Variants in NTM observed in about 807,000 individuals in gnomAD.
NTM encodes the protein IgLON family member 2.
Under a neutral mutation model 42.1 loss-of-function variants are expected in NTM, and 13 were observed. The ratio of observed to expected loss-of-function variants is 0.31; its 90% CI spans 0.20 to 0.49. The LOEUF (loss-of-function observed/expected upper bound fraction) is 0.49, where lower values mean the gene tolerates loss of function less well. Ranked by LOEUF, NTM falls within the 20% of genes least tolerant of loss-of-function variation. The pLI is 0.99. For synonymous variants in NTM, 187 were observed against 179.2 expected (o/e 1.04, Z -0.35); for missense variants, 373 against 452.8 (o/e 0.82, Z 1.60).
intron 1 of NTM, among the ~76,000 whole-genome samples, chr11:131,570,894 T>A (rs1214213966): frequency 6.6e-6 from 1 of 152,222 alleles, no homozygotes; most frequent in Non-Finnish European, 1.5e-5. Flanking sequence ...TGCTAGGCAC[T>A]GCAGACTCAG....
chr11:131,501,704 G>T (rs1163043705), intron 1 of NTM, among the ~76,000 whole-genome samples: 1 of 151,994 alleles, frequency 6.6e-6, no homozygotes. Context: ...TCTTGAGTGT[G>T]CTGTAAAGGT....
At chr11:131,644,482 G>A (rs184863832) in intron 1 of NTM, among the ~76,000 whole-genome samples, 1 of 152,256 alleles carries the variant, frequency 6.6e-6, no homozygotes, top group African/African-American at 2.4e-5. Context: ...CCGTACCAAC[G>A]AAGGGGGACT....
chr11:132,028,904 G>A (rs980032493), intron 2 of NTM, among the ~76,000 whole-genome samples: 1 of 152,048 alleles, frequency 6.6e-6, no homozygotes, highest in Admixed American at 6.5e-5. Context: ...ACCTCCTAGG[G>A]CTCCTATTGA....
intron 2 of NTM, among the ~76,000 whole-genome samples, chr11:132,057,088 G>A (rs2079812810): frequency 6.6e-6 from 1 of 152,154 alleles, no homozygotes; most frequent in Non-Finnish European, 1.5e-5. Context: ...ACACAATTGA[G>A]GCAAAGATGG....
At chr11:131,508,931 T>A (rs574579587) in intron 1 of NTM, among the ~76,000 whole-genome samples, 6 of 150,340 alleles carry the variant, frequency 4.0e-5, no homozygotes, top group African/African-American at 1.5e-4. Flanking sequence ...ATATACCTAA[T>A]GCTAGATGAC....
intron 1 of NTM, among the ~76,000 whole-genome samples, chr11:131,752,051 C>G (rs2082624031): frequency 6.6e-6 from 1 of 152,114 alleles, no homozygotes; most frequent in Non-Finnish European, 1.5e-5. Context: ...CAAACCAAAA[C>G]CACTAAGATA....
chr11:131,701,142 G>A (rs1241493860), intron 1 of NTM, among the ~76,000 whole-genome samples: 2 of 152,058 alleles, frequency 1.3e-5, no homozygotes, highest in Admixed American at 1.3e-4. Context: ...AAGCAACAAG[G>A]GTTTTGCTAA....
chr11:131,405,324 GT>G (rs1326361740), intron 1 of NTM, among the ~76,000 whole-genome samples: 1 of 152,176 alleles, frequency 6.6e-6, no homozygotes, highest in Non-Finnish European at 1.5e-5. Context: ...TGCAATATGT[GT>G]TTCAAATGGA....
At chr11:131,684,962 G>A (rs2073626395) in intron 1 of NTM, among the ~76,000 whole-genome samples, 1 of 152,224 alleles carries the variant, frequency 6.6e-6, no homozygotes. Context: ...CTGTTCTGTG[G>A]ACGCTGGCCC....
intron 1 of NTM, among the ~76,000 whole-genome samples, chr11:131,606,684 C>T (rs1012215895): frequency 6.6e-6 from 1 of 152,182 alleles, no homozygotes; most frequent in Non-Finnish European, 1.5e-5. Context: ...CCCCACCTGA[C>T]ATCAGGATAT....
intron 4 of NTM, among the ~76,000 whole-genome samples, chr11:132,306,679 G>C (rs2095096067): frequency 6.6e-6 from 1 of 152,140 alleles, no homozygotes; most frequent in Admixed American, 6.5e-5. Flanking sequence ...TTAATTACTA[G>C]CACCTCATTT....
intron 1 of NTM, among the ~76,000 whole-genome samples, chr11:131,674,326 ATT>A (rs929306850): frequency 6.6e-6 from 1 of 152,238 alleles, no homozygotes; most frequent in African/African-American, 2.4e-5. Context: ...TAGGGCTGTC[ATT>A]CTTGAAAAGG....
chr11:132,126,841 G>A (rs1398424425), intron 2 of NTM, among the ~76,000 whole-genome samples: 1 of 152,202 alleles, frequency 6.6e-6, no homozygotes, highest in African/African-American at 2.4e-5. Flanking sequence ...TTTGCTGTGA[G>A]AGGTGTTTTC....
intron 1 of NTM, among the ~76,000 whole-genome samples, chr11:131,681,941 C>A (rs2073020973): frequency 6.6e-6 from 1 of 151,772 alleles, no homozygotes; most frequent in Admixed American, 6.6e-5. Context: ...CTCACCCTCA[C>A]CCTGTGGCTA....
At chr11:131,991,559 C>A (rs571001629) in intron 2 of NTM, among the ~76,000 whole-genome samples, 18 of 145,192 alleles carry the variant, frequency 1.2e-4, no homozygotes, top group African/African-American at 4.8e-4. Context: ...GAGAAACAGA[C>A]AAGACAAGTG....
At chr11:131,573,086 A>T (rs1038029090) in intron 1 of NTM, among the ~76,000 whole-genome samples, 3 of 152,132 alleles carry the variant, frequency 2.0e-5, no homozygotes, top group Non-Finnish European at 4.4e-5. Context: ...GGCCCTGGAG[A>T]ATCCCTAAAC....
At chr11:132,220,942 T>C (rs2335469) in intron 4 of NTM, among the ~76,000 whole-genome samples, 53,722 of 151,866 alleles carry the variant, frequency 0.35, 10,124 homozygotes, top group Middle Eastern at 0.54. Flanking sequence ...CGCCTGGGAG[T>C]ATGAGAAGGT....
intron 3 of NTM, among the ~76,000 whole-genome samples, chr11:132,155,111 G>A (rs548785030): frequency 3.9e-5 from 6 of 152,254 alleles, no homozygotes; most frequent in East Asian, 3.9e-4. Context: ...CAATGAACCC[G>A]GTGTTGGCTC....
At chr11:132,136,562 A>G (rs925525672) in intron 2 of NTM, among the ~76,000 whole-genome samples, 1 of 152,132 alleles carries the variant, frequency 6.6e-6, no homozygotes, top group African/African-American at 2.4e-5. Flanking sequence ...CATGTACATC[A>G]TATGTGTACA....
Sources: allele counts gnomAD v4.1 joint callset (sites outside exome capture counted in the v4.1 genomes callset), GRCh38; gene constraint gnomAD v4.1.1; transcripts MANE v1.5; gene names NCBI Gene and HGNC (gene_info 2026-07-23, HGNC 2026-07-21).